Variants in MTPN observed in about 807,000 individuals in gnomAD.
MTPN encodes myotrophin, also known as granule cell differentiation protein.
Under a neutral mutation model 13.5 loss-of-function variants are expected in MTPN, and 2 were observed. The ratio of observed to expected loss-of-function variants is 0.15; its 90% CI spans 0.06 to 0.47. The LOEUF (loss-of-function observed/expected upper bound fraction) is 0.47, where lower values mean the gene tolerates loss of function less well. Among genes scored for constraint, MTPN ranks in the 20% least tolerant of loss-of-function variants. The pLI is 0.97. For synonymous variants in MTPN, 46 were observed against 51.7 expected, an observed-to-expected ratio of 0.89 and a Z score of 0.48; for missense variants, 79 against 137.9, an observed-to-expected ratio of 0.57 and a Z score of 2.14.
intron 1 of MTPN, among the ~76,000 whole-genome samples, chr7:135,953,239 T>C (rs572576055): frequency 1.1e-3 from 160 of 152,278 alleles, no homozygotes; most frequent in Non-Finnish European, 1.9e-3. Flanking sequence ...TCCATGATAA[T>C]GGCAAGCTCT....
intron 2 of MTPN, 46 bp downstream of exon 2, chr7:135,951,471 A>AT: frequency 8.2e-7 from 1 of 1,212,140 alleles, no homozygotes; most frequent in South Asian, 1.3e-5. Flanking sequence ...TACCCATAGC[A>AT]TATTAACAGA....
chr7:135,964,797 A>G (rs1405049015), intron 1 of MTPN, among the ~76,000 whole-genome samples: 9 of 151,822 alleles, frequency 5.9e-5, no homozygotes, highest in Admixed American at 5.9e-4. Context: ...GAAAATGCTG[A>G]CCCCCAAAAT....
chr7:135,956,167 T>C (rs1799441415), intron 1 of MTPN, among the ~76,000 whole-genome samples: 1 of 152,160 alleles, frequency 6.6e-6, no homozygotes, highest in Non-Finnish European at 1.5e-5. Flanking sequence ...TTTTCAGCAG[T>C]CTTGATGCAC....
intron 3 of MTPN, among the ~76,000 whole-genome samples, chr7:135,937,368 G>GACACACACAC (rs2116349338): frequency 7.3e-6 from 1 of 137,862 alleles, no homozygotes; most frequent in African/African-American, 2.9e-5. Flanking sequence ...GTGCTAACTG[G>GACACACACAC]ATACACACAC....
chr7:135,945,874 C>T (rs932317188), intron 3 of MTPN, among the ~76,000 whole-genome samples: 1 of 152,076 alleles, frequency 6.6e-6, no homozygotes, highest in Non-Finnish European at 1.5e-5. Flanking sequence ...TTGACTGAAA[C>T]GTCATTATAT....
chr7:135,949,078 T>C (rs1401598893), intron 3 of MTPN, among the ~76,000 whole-genome samples: 1 of 152,140 alleles, frequency 6.6e-6, no homozygotes, highest in Non-Finnish European at 1.5e-5. Context: ...ATCATGGTCA[T>C]GTGTCTTAAA....
At chr7:135,959,626 T>C (rs1799493264) in intron 1 of MTPN, among the ~76,000 whole-genome samples, 1 of 152,102 alleles carries the variant, frequency 6.6e-6, no homozygotes, top group Non-Finnish European at 1.5e-5. Flanking sequence ...AGAAGAGAAA[T>C]TAAATATTAA....
chr7:135,939,674 A>G (rs1021065763), intron 3 of MTPN, among the ~76,000 whole-genome samples: 1 of 146,888 alleles, frequency 6.8e-6, no homozygotes, highest in African/African-American at 2.5e-5. Flanking sequence ...GCACATCTTC[A>G]GACTTTCTCG....
intron 1 of MTPN, among the ~76,000 whole-genome samples, chr7:135,959,369 C>T (rs369477343): frequency 6.6e-6 from 1 of 152,122 alleles, no homozygotes; most frequent in African/African-American, 2.4e-5. Context: ...CACCCTTTGC[C>T]TTGGAGATTG....
At chr7:135,938,877 A>C (rs961346549) in intron 3 of MTPN, among the ~76,000 whole-genome samples, 4 of 152,246 alleles carry the variant, frequency 2.6e-5, no homozygotes, top group African/African-American at 9.6e-5. Flanking sequence ...TAAGGCTTCA[A>C]GGAAATCATC....
intron 3 of MTPN, chr7:135,932,271 C>T (rs1448659337): frequency 6.6e-6 from 1 of 152,118 alleles, no homozygotes; most frequent in Non-Finnish European, 1.5e-5. Context: ...ATTTCTGGGG[C>T]ACCACCTCGA....
At chr7:135,944,975 G>A (rs1001006375) in intron 3 of MTPN, among the ~76,000 whole-genome samples, 7 of 152,082 alleles carry the variant, frequency 4.6e-5, no homozygotes, top group Non-Finnish European at 1.0e-4. Context: ...TACACACGTA[G>A]GATATATGTT....
intron 1 of MTPN, among the ~76,000 whole-genome samples, chr7:135,964,828 T>C (rs937424530): frequency 1.3e-5 from 2 of 152,098 alleles, no homozygotes; most frequent in African/African-American, 4.8e-5. Context: ...TTATACATTT[T>C]AATTTTTTTA....
At chr7:135,960,471 G>A (rs1303622456) in intron 1 of MTPN, among the ~76,000 whole-genome samples, 1 of 151,910 alleles carries the variant, frequency 6.6e-6, no homozygotes, top group African/African-American at 2.4e-5. Context: ...TGTGGTCAGA[G>A]GCAATCCTCA....
intron 2 of MTPN, 25 bp from the exon 3 acceptor site, chr7:135,950,707 C>T (rs773215244): frequency 1.3e-6 from 2 of 1,520,596 alleles, no homozygotes; most frequent in East Asian, 2.3e-5. Context: ...ACAGAGATAA[C>T]TTTATCTGTT....
At chr7:135,969,129 C>T (rs1001812629) in intron 1 of MTPN, among the ~76,000 whole-genome samples, 39 of 136,292 alleles carry the variant, frequency 2.9e-4, no homozygotes, top group Admixed American at 6.1e-4. Context: ...GGGAGATATA[C>T]CTAATGCTAG....
intron 1 of MTPN, among the ~76,000 whole-genome samples, chr7:135,973,004 T>G (rs1799718926): frequency 6.6e-6 from 1 of 150,874 alleles, no homozygotes; most frequent in African/African-American, 2.4e-5. Context: ...GAGAGGCAAG[T>G]GTAGAAAAGC....
At chr7:135,976,601 CT>C (rs1222466604) in intron 1 of MTPN, among the ~76,000 whole-genome samples, 2 of 152,180 alleles carry the variant, frequency 1.3e-5, no homozygotes, top group East Asian at 3.8e-4. Flanking sequence ...AAACATGTTC[CT>C]CTGATCCTAA....
At chr7:135,971,307 A>G (rs937329058) in intron 1 of MTPN, among the ~76,000 whole-genome samples, 2 of 152,182 alleles carry the variant, frequency 1.3e-5, no homozygotes, top group Admixed American at 1.3e-4. Context: ...TGAAGATTAA[A>G]AGGGGCTATT....
Sources: gnomAD v4.1 joint callset for allele counts (sites outside exome capture counted in the v4.1 genomes callset) on GRCh38, gnomAD v4.1.1 for gene constraint, MANE v1.5 for transcripts, NCBI Gene and HGNC (gene_info 2026-07-23, HGNC 2026-07-21) for gene names.